SCAP: variants seen among roughly 807,000 people sequenced by gnomAD.
SCAP encodes SREBF chaperone, also known as sterol regulatory element-binding protein cleavage-activating protein.
SCAP carries 65 observed loss-of-function variants against 123.6 expected under a neutral mutation model. The observed-to-expected ratio is 0.53, with a 90% CI of 0.43 to 0.65. The LOEUF is 0.65. Among genes scored for constraint, SCAP ranks in the 30% least tolerant of loss-of-function variants. The pLI is 0.00. For missense variants in SCAP, 1,398 were observed against 1,712.5 expected (o/e 0.82, Z 3.24); for synonymous variants, 740 against 726.3 (o/e 1.02, Z -0.30).
Position 47,414,553 on chromosome 3 carries a change from C to G in SCAP, c.3387+19G>C, listed in dbSNP as rs1434491457. The stretch of plus-strand genomic sequence containing the variant: ...GGCCACAGACTCTGTACCCCCTACC[C>G]CACCTGCAGGCCGCTTACCTGGTCA... On this transcript the variant is annotated intron_variant, in intron 21 of 22. Transcript: ENST00000265565. 1 of 1,613,196 alleles carries G rather than the reference C, an allele frequency of 6.2e-7. No homozygotes were observed.
rs35707640 is a variant in SCAP, at chr3:47,417,154, T to C, written c.3024A>G (p.Ser1008=). The C allele has an allele frequency of 8.8e-5, 142 of 1,613,092 alleles. 1 individual carries two copies. In the African/African-American group the frequency reaches 1.7e-3, roughly 19 times the overall value. ...VLCCSSEEVS[S]GITALVFLDK... is the part of the protein sequence containing the mutation. ...CCAAGAACACCAGAGCGGTAATGCC[T>C]GAGGAGACCTCCTCGCTGCTGCAGC... The change falls in exon 18 of 23, where the codon TCA becomes TCG. Residue 1008 remains serine (S), a synonymous_variant. Transcript: ENST00000265565.
At chr3:47,450,536 A>G (rs1413209088) in intron 1 of SCAP, among the ~76,000 whole-genome samples, 5 of 109,566 alleles carry the variant, frequency 4.6e-5, no homozygotes, top group African/African-American at 1.6e-4. Flanking sequence ...TCCTTGAGAC[A>G]GAGTCTCACT....
upstream of SCAP, chr3:47,476,997 TC>T (rs1181336671): frequency 2.6e-5 from 4 of 152,946 alleles, no homozygotes; most frequent in Admixed American, 2.0e-4. Flanking sequence ...CTCTGGGAGT[TC>T]CAGAAAGTGC....
intron 1 of SCAP, among the ~76,000 whole-genome samples, chr3:47,454,598 G>C (rs1358179526): frequency 1.3e-5 from 2 of 151,808 alleles, no homozygotes; most frequent in African/African-American, 4.8e-5. Flanking sequence ...GCATGGTGGC[G>C]GGCACCTGTA....
chr3:47,419,316 G>A lies in SCAP; in HGVS notation c.1940+12C>T, dbSNP rs1489587393. On this transcript the variant is annotated intron_variant, in intron 13 of 22. Transcript: ENST00000265565. The surrounding 1 kb of genome is among the most constrained non-coding windows in gnomAD (Gnocchi z 5.0). ...CATCGAGTGAGGTGGCACCTGGCACGGCCCAGCTCACCTCTTGGCCAGTGT... is the reference window on the plus strand; with the variant it reads ...CATCGAGTGAGGTGGCACCTGGCACAGCCCAGCTCACCTCTTGGCCAGTGT... 2.5e-6 allele frequency: 4 copies of A among 1,593,754 alleles called. No homozygotes were observed. The highest frequency in any genetic ancestry group is 1.3e-5 in the African/African-American group (1 of 74,638).
At chr3:47,429,336 G>A (rs1706269040) in intron 3 of SCAP, among the ~76,000 whole-genome samples, 1 of 152,230 alleles carries the variant, frequency 6.6e-6, no homozygotes, top group Non-Finnish European at 1.5e-5. Context: ...GCAAACGATG[G>A]CCTGTAGGCC....
intron 3 of SCAP, among the ~76,000 whole-genome samples, chr3:47,432,950 T>G (rs543875621): frequency 6.6e-6 from 1 of 152,200 alleles, no homozygotes; most frequent in Admixed American, 6.5e-5. Flanking sequence ...ACCCTATTCA[T>G]AGCCAACTGG....
intron 8 of SCAP, among the ~76,000 whole-genome samples, chr3:47,424,675 G>A (rs1706045488): frequency 6.6e-6 from 1 of 152,206 alleles, no homozygotes; most frequent in Non-Finnish European, 1.5e-5. Flanking sequence ...CCTGTGAAGG[G>A]TATGGCAGAC....
rs1044363088 is a variant in SCAP at position 47,414,111 on chromosome 3, G to A, written c.3595-12C>T. On this transcript the variant is annotated splice_polypyrimidine_tract_variant and intron_variant, in intron 22 of 22. Transcript: ENST00000265565. Reference sequence around the variant, plus strand: ...CCACAGCCCAGGTCCTGGAGGCAAGGACATGACAAGCTCAGTCCTGAGTCC... The same window carrying A: ...CCACAGCCCAGGTCCTGGAGGCAAGAACATGACAAGCTCAGTCCTGAGTCC... The A allele has an allele frequency of 6.2e-7, 1 of 1,613,326 alleles. No homozygotes were observed. The highest frequency in any genetic ancestry group is 1.3e-5 in the African/African-American group (1 of 74,920).
At chr3:47,418,065 A>C in intron 16 of SCAP, 69 bp downstream of exon 16, 1 of 928,072 alleles carries the variant, frequency 1.1e-6, no homozygotes, top group Non-Finnish European at 1.5e-6. Flanking sequence ...GAGGGGAGAT[A>C]CGTGGCGGCG....
intron 18 of SCAP, among the ~76,000 whole-genome samples, chr3:47,416,701 A>G (rs1480500300): frequency 7.6e-6 from 1 of 131,436 alleles, no homozygotes; most frequent in South Asian, 2.3e-4. Context: ...ATCTCGGCTC[A>G]CTGCAAGCTC....
chr3:47,447,579 T>G (rs942471651), intron 1 of SCAP, among the ~76,000 whole-genome samples: 2 of 151,764 alleles, frequency 1.3e-5, no homozygotes, highest in African/African-American at 2.4e-5. Context: ...TACCAGCTAC[T>G]TGGGAGGCGG....
In SCAP at chr3:47,435,063, G is replaced by T. The variant is rs1283829047; in HGVS notation, c.197C>A (p.Pro66His). Residue 66 changes from proline (P) to histidine (H), a missense_variant, in exon 3 of 23, where the codon CCC becomes CAC. Pro to His is a moderately conservative substitution (Grantham distance 77). This residue lies in a region of SCAP where 319 missense variants were observed against 432.4 expected (regional missense o/e 0.74). Transcript: ENST00000265565. ...EFTTPVKDYSPPPVDSDRKQG... is the reference protein window; with the variant it reads ...EFTTPVKDYSHPPVDSDRKQG... The stretch of plus-strand genomic sequence containing the variant: ...TTTGCGGTCAGAGTCCACAGGTGGG[G>T]GCGAGTAATCCTTCACAGGGGTGGT... 1 of 1,614,126 alleles carries T rather than the reference G, an allele frequency of 6.2e-7. No individual in the cohort carries two copies. Among genetic ancestry groups the T allele is most frequent in the Non-Finnish European group, 8.5e-7 (1 of 1,180,002 alleles).
chr3:47,434,866 T>C (rs1706506041), intron 3 of SCAP, 142 bp downstream of exon 3: 2 of 1,027,284 alleles, frequency 1.9e-6, no homozygotes, highest in East Asian at 4.9e-5. Flanking sequence ...TAAGTATCTA[T>C]ATGGTACACT....
At chr3:47,475,522 T>TC (rs1708234817) in intron 1 of SCAP, 1 of 151,928 alleles carries the variant, frequency 6.6e-6, no homozygotes, top group South Asian at 2.1e-4. Context: ...GCCGCGCATC[T>TC]CCCCCCGTCA....
intron 4 of SCAP, among the ~76,000 whole-genome samples, chr3:47,428,242 T>TC (rs1706222587): frequency 6.6e-6 from 1 of 151,944 alleles, no homozygotes. Context: ...GCCATGTGGG[T>TC]CATGAGTTAG....
intron 2 of SCAP, among the ~76,000 whole-genome samples, chr3:47,438,514 T>TA (rs1006472067): frequency 3.3e-5 from 5 of 151,954 alleles, no homozygotes; most frequent in East Asian, 1.9e-4. Flanking sequence ...TGCTTTCACT[T>TA]AAAAAAAAGT....
chr3:47,432,314 G>GAAAAAA (rs11308011), intron 3 of SCAP, among the ~76,000 whole-genome samples: 7 of 75,654 alleles, frequency 9.3e-5, no homozygotes, highest in Non-Finnish European at 1.3e-4. Flanking sequence ...ACTCCGTCTT[G>GAAAAAA]AAAAAAAAAA....
chr3:47,454,190 A>T (rs1707325542), intron 1 of SCAP, among the ~76,000 whole-genome samples: 1 of 152,040 alleles, frequency 6.6e-6, no homozygotes, highest in Non-Finnish European at 1.5e-5. Flanking sequence ...ACACAGTGAA[A>T]CCCTGTCTCT....
Sources: allele counts gnomAD v4.1 joint callset (sites outside exome capture counted in the v4.1 genomes callset), GRCh38; gene constraint gnomAD v4.1.1; regional missense constraint gnomAD v4.1.1; non-coding constraint Gnocchi (gnomAD v3.1); transcripts MANE v1.5; gene names NCBI Gene and HGNC (gene_info 2026-07-23, HGNC 2026-07-21).